The following ACLY variants were observed in gnomAD, a reference collection of about 807,000 sequenced individuals.
ACLY encodes the protein ATP-citrate synthase.
ACLY carries 41 observed loss-of-function variants against 133.0 expected under a neutral mutation model. The ratio of observed to expected loss-of-function variants is 0.31; its 90% CI spans 0.24 to 0.40. ACLY has a LOEUF of 0.40. ACLY is among the 10% of genes least tolerant of loss of function. The pLI is 1.00. For synonymous variants in ACLY, 495 were observed against 549.3 expected (o/e 0.90, Z 1.38); for missense variants, 1,046 against 1,453.8 (o/e 0.72, Z 4.56).
intron 6 of ACLY, among the ~76,000 whole-genome samples, chr17:41,908,485 C>T (rs1253212401): frequency 6.6e-6 from 1 of 152,216 alleles, no homozygotes; most frequent in East Asian, 1.9e-4. Context: ...GACTTCTGGC[C>T]GGGCGTGGTG....
At chr17:41,893,816 C>T (rs2049283605) in intron 14 of ACLY, among the ~76,000 whole-genome samples, 1 of 152,198 alleles carries the variant, frequency 6.6e-6, no homozygotes, top group Non-Finnish European at 1.5e-5. Flanking sequence ...GGGCCAGTGC[C>T]CTCAACCTGC....
chr17:41,889,527 A>AAAAAAC (rs2049147074), intron 16 of ACLY, among the ~76,000 whole-genome samples: 1 of 134,684 alleles, frequency 7.4e-6, no homozygotes, highest in Non-Finnish European at 1.6e-5. Flanking sequence ...CATTTCACAA[A>AAAAAAC]AAAAAAAAAA....
chr17:41,901,587 G>T, intron 11 of ACLY, 109 bp downstream of exon 11: 1 of 877,790 alleles, frequency 1.1e-6, no homozygotes, highest in Non-Finnish European at 1.8e-6. Flanking sequence ...ACCCAGGAAG[G>T]GGAGTAGAGA....
At chr17:41,930,520 T>C in exon 1 of ACLY, 1 of 534,022 alleles carries the variant, frequency 1.9e-6, no homozygotes, top group South Asian at 2.2e-5. Flanking sequence ...CAATCATCAC[T>C]CCCTGGCCCA....
chr17:41,924,145 T>A (rs2050214258), intron 1 of ACLY, among the ~76,000 whole-genome samples: 1 of 149,112 alleles, frequency 6.7e-6, no homozygotes, highest in African/African-American at 2.5e-5. Context: ...TTATTTATTT[T>A]TTATTTATTT....
intron 20 of ACLY, among the ~76,000 whole-genome samples, chr17:41,879,404 C>T (rs996810493): frequency 2.0e-5 from 3 of 149,992 alleles, no homozygotes; most frequent in South Asian, 2.1e-4. Flanking sequence ...CCACGCCTGC[C>T]CCCCCCGCCT....
chr17:41,930,323 C>G (rs2050303715), intron 1 of ACLY: 3 of 161,910 alleles, frequency 1.9e-5, no homozygotes, highest in Admixed American at 1.8e-4. Context: ...GTGCTCTCTC[C>G]CCCTAATGGC....
rs782634892 is a variant in ACLY at position 41,869,027 on chromosome 17, C to T, written c.3134+16G>A. 3.4e-5 allele frequency: 54 copies of T among 1,598,174 alleles called. No individual in the cohort carries two copies. Among genetic ancestry groups the T allele is most frequent in the Non-Finnish European group, 4.0e-5 (47 of 1,169,878 alleles). On this transcript the variant is annotated intron_variant, in intron 27 of 28. Transcript: ENST00000352035. ...TCAACAAACGTAATGAAGAAGAAAA[C>T]AGCTACAATGCTCACCGAGTAAAGG... is the stretch of plus-strand genomic sequence containing the variant.
intron 3 of ACLY, among the ~76,000 whole-genome samples, chr17:41,910,617 G>A (rs1048080605): frequency 2.6e-5 from 4 of 152,184 alleles, no homozygotes; most frequent in Admixed American, 6.5e-5. Flanking sequence ...AGGGGAAACC[G>A]GGTAGAAGGG....
At chr17:41,899,772 A>G (rs924810740) in intron 11 of ACLY, among the ~76,000 whole-genome samples, 1 of 152,114 alleles carries the variant, frequency 6.6e-6, no homozygotes, top group African/African-American at 2.4e-5. Context: ...AAAGAAAACA[A>G]AAGGCTCACA....
At chr17:41,914,914 C>A (rs549334861) in intron 1 of ACLY, among the ~76,000 whole-genome samples, 1 of 152,330 alleles carries the variant, frequency 6.6e-6, no homozygotes, top group Admixed American at 6.5e-5. Context: ...CTCATATGAG[C>A]TCTGGGAGGT....
upstream of ACLY, among the ~76,000 whole-genome samples, chr17:41,921,479 G>GAAAAAAAAA (rs782660866): frequency 1.0e-3 from 43 of 41,618 alleles, no homozygotes; most frequent in African/African-American, 1.4e-3. Context: ...CCCTGTCTCA[G>GAAAAAAAAA]AAAAAAAAAA....
At chr17:41,889,834 T>C (rs9891068) in intron 16 of ACLY, among the ~76,000 whole-genome samples, 151,892 of 152,060 alleles carry the variant, frequency 1, 75,862 homozygotes, top group East Asian at 1. Context: ...TACAGGTGTC[T>C]GCCACCATAC....
rs1158285382 is a variant in ACLY at position 41,909,212 on chromosome 17, AC to A, written c.537-145del. 10 of 713,144 alleles carry A rather than the reference AC, an allele frequency of 1.4e-5. No homozygotes were observed. In the Admixed American group the frequency reaches 1.9e-4, roughly 14 times the overall value. 44.2% of individuals were successfully genotyped at this position (713,144 alleles called of 1,614,324 possible). Reference sequence around the variant, plus strand: ...CACTGGCCCTTCCATCTCCTCTGCAACCCCTGCTCCCTGGACATAGCTCTTC... The same window carrying A: ...CACTGGCCCTTCCATCTCCTCTGCAACCCTGCTCCCTGGACATAGCTCTTC... On this transcript the variant is annotated intron_variant, in intron 5 of 28. Coordinates refer to ENST00000352035, the MANE Select transcript of ACLY (RefSeq NM_001096.3).
intron 28 of ACLY, 21 bp from the exon 29 acceptor site, chr17:41,867,925 C>CT (rs782644298): frequency 3.2e-6 from 5 of 1,558,006 alleles, no homozygotes; most frequent in Non-Finnish European, 4.4e-6. Context: ...GCAAACACAT[C>CT]TTTTTTATTA....
chr17:41,923,704 T>C (rs180939523), upstream of ACLY, among the ~76,000 whole-genome samples: 3 of 152,190 alleles, frequency 2.0e-5, no homozygotes, highest in East Asian at 3.9e-4. Flanking sequence ...GCTCTTATAA[T>C]ATGTGAATGA....
Position 41,901,815 on chromosome 17 carries a change from T to C in ACLY, c.1066-2A>G. 6.4e-7 allele frequency: 1 copy of C among 1,563,820 alleles called. No individual in the cohort carries two copies. Among genetic ancestry groups the C allele is most frequent in the Non-Finnish European group, 8.7e-7 (1 of 1,151,846 alleles). On this transcript the variant is annotated splice_acceptor_variant, in intron 10 of 28. Coordinates refer to ENST00000352035, the MANE Select transcript of ACLY (RefSeq NM_001096.3). LOFTEE classifies it high-confidence loss of function. ...ATCTCGAATTGCTCTCACGATGCCC[T>C]GGAAGCCCAAAGTGACATGTGACTA...
At chr17:41,897,659 C>T in intron 13 of ACLY, 90 bp downstream of exon 13, 1 of 1,284,736 alleles carries the variant, frequency 7.8e-7, no homozygotes, top group Non-Finnish European at 1.1e-6. Context: ...CTGCCTCTGC[C>T]AGCCCAGGGG....
chr17:41,894,376 C>CAAAAAA (rs11351286), intron 14 of ACLY, among the ~76,000 whole-genome samples: 1 of 59,952 alleles, frequency 1.7e-5, no homozygotes, highest in Non-Finnish European at 3.0e-5. Context: ...GACCCTGTCT[C>CAAAAAA]AAAAAAAAAA....
Sources: allele counts gnomAD v4.1 joint callset (sites outside exome capture counted in the v4.1 genomes callset), GRCh38; gene constraint gnomAD v4.1.1; transcripts MANE v1.5; gene names NCBI Gene and HGNC (gene_info 2026-07-23, HGNC 2026-07-21).